The following VWF variants were observed in gnomAD, a reference collection of about 807,000 sequenced individuals.
VWF encodes the protein von Willebrand factor.
Under a neutral mutation model 308.6 loss-of-function variants are expected in VWF, and 176 were observed. That is an observed-to-expected ratio of 0.57 (90% CI 0.50 to 0.65). The LOEUF is 0.65. Ranked by LOEUF, VWF falls within the 30% of genes least tolerant of loss-of-function variation. The pLI is 0.00. For missense variants in VWF, 3,146 were observed against 3,648.2 expected (o/e 0.86, Z 3.55); for synonymous variants, 1,385 against 1,443.4 (o/e 0.96, Z 0.92).
intron 47 of VWF, among the ~76,000 whole-genome samples, chr12:5,964,613 C>G (rs1221817332): frequency 6.6e-6 from 1 of 152,150 alleles, no homozygotes; most frequent in Non-Finnish European, 1.5e-5. Context: ...AGACAGACGA[C>G]CTGTCCCAAG....
intron 35 of VWF, among the ~76,000 whole-genome samples, chr12:5,995,583 T>C (rs1436300835): frequency 6.6e-6 from 1 of 152,216 alleles, no homozygotes; most frequent in Non-Finnish European, 1.5e-5. Context: ...TTTCAAATTT[T>C]GGAGCCTGAC....
chr12:6,027,748 A>G (rs216315), intron 22 of VWF, among the ~76,000 whole-genome samples: 139,906 of 151,954 alleles, frequency 0.92, 64,544 homozygotes, highest in African/African-American at 0.96. Flanking sequence ...TTAGCTTTCC[A>G]ACCTCTAGAA....
chr12:6,095,656 G>T lies in VWF; in HGVS notation c.533-72C>A, dbSNP rs1945098220. 34 of 1,606,662 alleles carry T rather than the reference G, an allele frequency of 2.1e-5. No individual in the cohort carries two copies. In the South Asian group the frequency reaches 3.1e-4, roughly 15 times the overall value. On this transcript the variant is annotated intron_variant, in intron 5 of 51. Transcript: ENST00000261405. ...CCAGAACTTCTGGGTGAAAATTCTA[G>T]GTCTGCTGGTGGTTTTGTGTGTTTT...
intron 6 of VWF, among the ~76,000 whole-genome samples, chr12:6,092,610 T>TGAGA (rs113664724): frequency 3.5e-5 from 2 of 57,054 alleles, no homozygotes; most frequent in African/African-American, 7.1e-5. Flanking sequence ...AGTTAGTGAG[T>TGAGA]GAGTGAGAGT....
intron 34 of VWF, among the ~76,000 whole-genome samples, chr12:6,006,673 G>C (rs1033558373): frequency 1.3e-5 from 2 of 152,142 alleles, no homozygotes; most frequent in Admixed American, 1.3e-4. Context: ...CAGCTACTTA[G>C]GAGGCTGAGG....
At chr12:6,049,042 A>G (rs1275223818) in intron 16 of VWF, among the ~76,000 whole-genome samples, 1 of 152,204 alleles carries the variant, frequency 6.6e-6, no homozygotes, top group African/African-American at 2.4e-5. Context: ...CTGCAGAAGA[A>G]GAAATACTCC....
In VWF at chr12:5,953,602, C is replaced by T; in HGVS notation, c.7888-8G>A. On this transcript the variant is annotated splice_region_variant and splice_polypyrimidine_tract_variant and intron_variant, in intron 47 of 51. Transcript: ENST00000261405. ...ATTTTCTTCCTTGTAACCCTGCATC[C>T]AGAGGGGGAAAAAGCAGCCATAGTT... 6.2e-7 allele frequency: 1 copy of T among 1,612,856 alleles called. No individual in the cohort carries two copies. Among genetic ancestry groups the T allele is most frequent in the African/African-American group, 1.3e-5 (1 of 75,012 alleles).
rs1399944573 is a variant in VWF, at chr12:6,095,594, A to G, written c.533-10T>C. On this transcript the variant is annotated splice_polypyrimidine_tract_variant and intron_variant, in intron 5 of 51. Transcript: ENST00000261405. ...TCCGAGGTCAAGGTCCCTGTGGAGG[A>G]AAGTTTCAGGAAAGTAATGCTTCAG... 2 of 1,613,986 alleles carry G rather than the reference A, an allele frequency of 1.2e-6. No homozygotes were observed. Among genetic ancestry groups the G allele is most frequent in the African/African-American group, 1.3e-5 (1 of 74,920 alleles).
At chr12:6,114,142 C>T (rs2136526892) in intron 3 of VWF, among the ~76,000 whole-genome samples, 1 of 152,290 alleles carries the variant, frequency 6.6e-6, no homozygotes, top group South Asian at 2.1e-4. Context: ...GGGAAAGGAA[C>T]CCCCGTGAGC....
chr12:6,082,632 G>A (rs1213286557), intron 6 of VWF, among the ~76,000 whole-genome samples: 1 of 152,234 alleles, frequency 6.6e-6, no homozygotes, highest in Non-Finnish European at 1.5e-5. Flanking sequence ...TAAGGCAAAT[G>A]TTGCGCTGTA....
rs1196131599 is a variant in VWF at position 6,024,766 on chromosome 12, G to A, written c.3222+814C>T. ...TGGTCGGGCATGGTGGCTCACACCTGTAATCCCAGCACTTTGGGAGGCCGA... is the reference window on the plus strand; with the variant it reads ...TGGTCGGGCATGGTGGCTCACACCTATAATCCCAGCACTTTGGGAGGCCGA... On this transcript the variant is annotated intron_variant, in intron 24 of 51. Coordinates refer to ENST00000261405, the MANE Select transcript of VWF (RefSeq NM_000552.5). The surrounding 1 kb of genome is among the most constrained non-coding windows in gnomAD (Gnocchi z 4.0). Among the ~76,000 whole-genome samples the A allele has an allele frequency of 6.6e-6, 1 of 152,230 alleles. No homozygotes were observed. The highest frequency in any genetic ancestry group is 1.5e-5 in the Non-Finnish European group (1 of 68,038).
In VWF at chr12:6,019,872, T is replaced by G; in HGVS notation, c.3675-129A>C. 1 of 1,077,362 alleles carries G rather than the reference T, an allele frequency of 9.3e-7. No individual in the cohort carries two copies. The highest frequency in any genetic ancestry group is 1.4e-5 in the South Asian group (1 of 74,026). The allele number at this position is 1,077,362 out of a possible 1,614,324, so 66.7% of individuals were successfully genotyped here. ...TGTTCCACCTGAACTTGAGATCCCA[T>G]GGACCATTCCACATCCAAGTGAGAT... On this transcript the variant is annotated intron_variant, in intron 27 of 51. Transcript: ENST00000261405. This position sits in a 1 kb window ranked among gnomAD's most constrained non-coding sequence, Gnocchi z 5.8.
In VWF at chr12:6,092,622, T is replaced by TGAGAGTGAGAGAGAGAGAGTGA. The variant is rs1403649370; in HGVS notation, c.657+2837_657+2838insTCACTCTCTCTCTCTCACTCTC. Among the ~76,000 whole-genome samples, 9 of 91,492 alleles carry TGAGAGTGAGAGAGAGAGAGTGA rather than the reference T, an allele frequency of 9.8e-5. 2 individuals carry two copies. Among genetic ancestry groups the TGAGAGTGAGAGAGAGAGAGTGA allele is most frequent in the African/African-American group, 3.2e-4 (6 of 18,858 alleles). 60.0% of individuals were successfully genotyped at this position (91,492 alleles called of 152,430 possible). Reference sequence around the variant, plus strand: ...GCTAGTTAGTGAGTGAGTGAGAGTGTGTGTGTGTGTGTGTGTGTGTGTGTG... The same window carrying TGAGAGTGAGAGAGAGAGAGTGA: ...GCTAGTTAGTGAGTGAGTGAGAGTGTGAGAGTGAGAGAGAGAGAGTGAGTGTGTGTGTGTGTGTGTGTGTGTG... On this transcript the variant is annotated intron_variant, in intron 6 of 51. Transcript: ENST00000261405.
At position 6,029,276 on chromosome 12, in the gene VWF, G is replaced by A. The variant is rs780684103; in HGVS notation, c.2967+66C>T. 22 of 1,606,492 alleles carry A rather than the reference G, an allele frequency of 1.4e-5. No individual in the cohort carries two copies. In the African/African-American group the frequency reaches 1.6e-4, roughly 12 times the overall value. ...ATAAAGCAAGTCCTTAGAGACCTAC[G>A]ATCAGGGAGCAGAAAACACTCCAAA... On this transcript the variant is annotated intron_variant, in intron 22 of 51. Coordinates refer to ENST00000261405, the MANE Select transcript of VWF (RefSeq NM_000552.5).
rs565622089 is a variant in VWF at position 6,031,647 on chromosome 12, A to T, written c.2686-69T>A. The T allele has an allele frequency of 3.5e-5, 56 of 1,611,440 alleles. No homozygotes were observed. The African/African-American group carries it at 6.8e-4, about 20-fold the overall frequency. The stretch of plus-strand genomic sequence containing the variant: ...GCTCTCACCAGACCAGAAGATTGGC[A>T]TCTCTTCATCACAGGCCTTTGAGTA... On this transcript the variant is annotated intron_variant, in intron 20 of 51. Transcript: ENST00000261405.
rs776831620 is a variant in VWF at position 6,018,782 on chromosome 12, C to G, written c.4636G>C (p.Val1546Leu). 55 of 1,613,698 alleles carry G rather than the reference C, an allele frequency of 3.4e-5. 1 individual carries two copies. In the South Asian group the frequency reaches 5.7e-4, roughly 17 times the overall value. Reference protein sequence around the residue: ...HVTVLQYSYMVTVEYPFSEAQ... With the variant: ...HVTVLQYSYMLTVEYPFSEAQ... ...TCGCTGAAGGGGTACTCCACAGTCA[C>G]CATGTAGGAGTACTGCAGCACCGTG... The change falls in exon 28 of 52, where the codon GTG becomes CTG. Residue 1546 changes from valine (V) to leucine (L), a missense_variant. Transcript: ENST00000261405.
intron 44 of VWF, among the ~76,000 whole-genome samples, chr12:5,970,224 C>T (rs927019635): frequency 6.6e-6 from 1 of 152,182 alleles, no homozygotes; most frequent in Non-Finnish European, 1.5e-5. Flanking sequence ...TGAGCCTTGG[C>T]CACTGGCTCA....
intron 14 of VWF, among the ~76,000 whole-genome samples, chr12:6,057,377 C>A (rs1944592475): frequency 7.0e-6 from 1 of 142,014 alleles, no homozygotes; most frequent in Non-Finnish European, 1.5e-5. Flanking sequence ...TGCAGAAATG[C>A]GATCTTGGCT....
At chr12:5,959,533 G>T (rs1943288018) in intron 47 of VWF, among the ~76,000 whole-genome samples, 1 of 152,064 alleles carries the variant, frequency 6.6e-6, no homozygotes, top group South Asian at 2.1e-4. Context: ...CTTCTCAAAT[G>T]CACACAGAAT....
Sources: allele counts gnomAD v4.1 joint callset (sites outside exome capture counted in the v4.1 genomes callset), GRCh38; gene constraint gnomAD v4.1.1; non-coding constraint Gnocchi (gnomAD v3.1); transcripts MANE v1.5; gene names NCBI Gene and HGNC (gene_info 2026-07-23, HGNC 2026-07-21).